The following CDH23 variants were observed in gnomAD, a reference collection of about 807,000 sequenced individuals.
CDH23 encodes cadherin related 23, also known as cadherin-23.
A neutral mutation model predicts 317.1 loss-of-function variants in CDH23; 189 were observed. That is an observed-to-expected ratio of 0.60 (90% confidence interval 0.53 to 0.67). The LOEUF (loss-of-function observed/expected upper bound fraction) is 0.67, where lower values mean the gene tolerates loss of function less well. Among genes scored for constraint, CDH23 ranks in the 30% least tolerant of loss-of-function variants. CDH23 has a pLI of 0.00. For synonymous variants in CDH23, 1,839 were observed against 1,876.8 expected, an observed-to-expected ratio of 0.98 and a Z score of 0.52; for missense variants, 4,401 against 4,592.4, an observed-to-expected ratio of 0.96 and a Z score of 1.20.
intron 34 of CDH23, among the ~76,000 whole-genome samples, chr10:71,736,197 G>A (rs1030815267): frequency 1.3e-5 from 2 of 152,242 alleles, no homozygotes; most frequent in African/African-American, 4.8e-5. Flanking sequence ...CCCTCTTCCG[G>A]TTAGCAGGGC....
intron 17 of CDH23, among the ~76,000 whole-genome samples, chr10:71,682,168 C>T (rs1386818329): frequency 6.6e-6 from 1 of 152,238 alleles, no homozygotes; most frequent in East Asian, 1.9e-4. Context: ...TGACCTTGGG[C>T]AAGTTACTGA....
intron 6 of CDH23, among the ~76,000 whole-genome samples, chr10:71,564,820 G>A (rs1857310752): frequency 6.6e-6 from 1 of 152,222 alleles, no homozygotes; most frequent in African/African-American, 2.4e-5. Flanking sequence ...GTTGAGTCCT[G>A]TGCTTTTCTT....
rs4747189 is a variant in CDH23, at chr10:71,788,631, G to A, written c.5821-309G>A. Among the ~76,000 whole-genome samples the A allele has an allele frequency of 0.91, 137,725 of 151,992 alleles. 62,626 individuals are homozygous for A. The highest frequency in any genetic ancestry group is 0.98 in the African/African-American group (40,532 of 41,474). ...CCACCACGCCCAGCTAATTTTTTGT[G>A]CTTTTAGTAGAGACGGGGTTTCACC... On this transcript the variant is annotated intron_variant, in intron 44 of 69. Transcript: ENST00000224721.
chr10:71,673,321 A>T (rs556976634), intron 14 of CDH23, among the ~76,000 whole-genome samples: 1 of 152,322 alleles, frequency 6.6e-6, no homozygotes, highest in African/African-American at 2.4e-5. Flanking sequence ...AGGCCTCCAC[A>T]CCACAGTGAC....
chr10:71,760,859 G>A (rs958983071), intron 38 of CDH23: 9 of 1,611,988 alleles, frequency 5.6e-6, no homozygotes, highest in African/African-American at 1.3e-5. Flanking sequence ...CAAGAGGTTG[G>A]TCCCTTACTT....
At chr10:71,558,885 G>C (rs1856992857) in intron 6 of CDH23, among the ~76,000 whole-genome samples, 1 of 152,250 alleles carries the variant, frequency 6.6e-6, no homozygotes, top group Non-Finnish European at 1.5e-5. Context: ...GATGGGATTG[G>C]TGGGGAGGGT....
intron 6 of CDH23, among the ~76,000 whole-genome samples, chr10:71,548,913 A>G (rs1055659786): frequency 6.6e-6 from 1 of 152,368 alleles, no homozygotes; most frequent in East Asian, 1.9e-4. Context: ...CCTGCCTGCA[A>G]TCACCATAAC....
intron 28 of CDH23, among the ~76,000 whole-genome samples, chr10:71,720,442 C>CAT (rs1866503990): frequency 6.6e-6 from 1 of 151,822 alleles, no homozygotes; most frequent in Non-Finnish European, 1.5e-5. Context: ...CACACACACA[C>CAT]ACACACACTT....
chr10:71,637,933 GA>G (rs1297231703), intron 11 of CDH23, among the ~76,000 whole-genome samples: 1 of 149,450 alleles, frequency 6.7e-6, no homozygotes, highest in African/African-American at 2.5e-5. Context: ...CCTCTTCCAT[GA>G]AAAGGAATTA....
chr10:71,550,329 A>T (rs1281338155), intron 6 of CDH23, among the ~76,000 whole-genome samples: 3 of 152,102 alleles, frequency 2.0e-5, no homozygotes, highest in Non-Finnish European at 2.9e-5. Context: ...GGAGTCGGGG[A>T]TCGCTTGAGG....
chr10:71,531,773 C>A (rs1855385554), intron 6 of CDH23, among the ~76,000 whole-genome samples: 1 of 152,124 alleles, frequency 6.6e-6, no homozygotes, highest in South Asian at 2.1e-4. Flanking sequence ...ATTTTTGACT[C>A]CTACACATAG....
chr10:71,533,153 ACT>A (rs1855497792), intron 6 of CDH23, among the ~76,000 whole-genome samples: 1 of 152,192 alleles, frequency 6.6e-6, no homozygotes, highest in Non-Finnish European at 1.5e-5. Context: ...GATTGCTGGC[ACT>A]GCCTGCCCCG....
At chr10:71,599,100 T>C (rs767325632) in intron 9 of CDH23, among the ~76,000 whole-genome samples, 1 of 151,946 alleles carries the variant, frequency 6.6e-6, no homozygotes, top group Non-Finnish European at 1.5e-5. Flanking sequence ...ATGTGAAATA[T>C]TAAATATTTA....
At chr10:71,455,444 G>T (rs969193265) in intron 3 of CDH23, among the ~76,000 whole-genome samples, 1 of 152,096 alleles carries the variant, frequency 6.6e-6, no homozygotes, top group Admixed American at 6.6e-5. Flanking sequence ...AGAAGTCTAG[G>T]ATAGATAGAT....
At chr10:71,561,477 G>A (rs1037812812) in intron 6 of CDH23, among the ~76,000 whole-genome samples, 2 of 152,270 alleles carry the variant, frequency 1.3e-5, no homozygotes, top group African/African-American at 4.8e-5. Flanking sequence ...AACTCACACT[G>A]CATGTGAGAA....
chr10:71,637,723 C>T (rs995088171), intron 11 of CDH23, among the ~76,000 whole-genome samples: 1 of 152,092 alleles, frequency 6.6e-6, no homozygotes, highest in Non-Finnish European at 1.5e-5. Context: ...ACTCCGCACT[C>T]CAGATTCCCA....
chr10:71,616,446 C>T (rs1861195400), intron 10 of CDH23, among the ~76,000 whole-genome samples: 1 of 152,232 alleles, frequency 6.6e-6, no homozygotes, highest in East Asian at 1.9e-4. Context: ...CTCCTGTCTG[C>T]TCTCCTGCCA....
intron 38 of CDH23, among the ~76,000 whole-genome samples, chr10:71,759,818 T>TACACACACAC (rs1487599802): frequency 0.1 from 5,116 of 50,564 alleles, 889 homozygotes; most frequent in Middle Eastern, 0.24. Context: ...TTTCAGAAAA[T>TACACACACAC]ATACACACAC....
At chr10:71,576,285 G>T (rs1256163158) in intron 8 of CDH23, among the ~76,000 whole-genome samples, 1 of 152,210 alleles carries the variant, frequency 6.6e-6, no homozygotes, top group Non-Finnish European at 1.5e-5. Context: ...ACTCTCTGGG[G>T]TGGTGATCCA....
Sources: gnomAD v4.1 joint callset for allele counts (sites outside exome capture counted in the v4.1 genomes callset) on GRCh38, gnomAD v4.1.1 for gene constraint, MANE v1.5 for transcripts, NCBI Gene and HGNC (gene_info 2026-07-23, HGNC 2026-07-21) for gene names.